The following PRKCE variants were observed in gnomAD, a reference collection of about 807,000 sequenced individuals.
PRKCE encodes protein kinase C epsilon, also known as protein kinase C epsilon type.
PRKCE carries 16 observed loss-of-function variants against 85.4 expected under a neutral mutation model. That is an observed-to-expected ratio of 0.19 (90% CI 0.13 to 0.28). PRKCE has a LOEUF of 0.28. PRKCE is among the 10% of genes least tolerant of loss of function. The pLI is 1.00. For missense variants in PRKCE, 573 were observed against 975.2 expected, an observed-to-expected ratio of 0.59 and a Z score of 5.49; for synonymous variants, 388 against 371.5, an observed-to-expected ratio of 1.04 and a Z score of -0.51.
In PRKCE at chr2:46,145,059, C is replaced by T. The variant is rs753458853; in HGVS notation, c.1593-34C>T. On this transcript the variant is annotated intron_variant, in intron 11 of 14. Transcript: ENST00000306156. The surrounding 1 kb of genome is among the most constrained non-coding windows in gnomAD (Gnocchi z 4.6). ...AGGAAGACTATATTGGGGTGAGTGACGTATTGACATTATGGTCCTGGCCTA... is the reference window on the plus strand; with the variant it reads ...AGGAAGACTATATTGGGGTGAGTGATGTATTGACATTATGGTCCTGGCCTA... 7.5e-6 allele frequency: 12 copies of T among 1,599,102 alleles called. No homozygotes were observed. Among genetic ancestry groups the T allele is most frequent in the South Asian group, 4.4e-5 (4 of 91,068 alleles).
chr2:45,817,645 GA>G (rs1689184076), intron 1 of PRKCE, among the ~76,000 whole-genome samples: 1 of 152,086 alleles, frequency 6.6e-6, no homozygotes, highest in Non-Finnish European at 1.5e-5. Context: ...AGTGAGCCGA[GA>G]TCACGCCACT....
chr2:45,792,923 A>T (rs138730095), intron 1 of PRKCE, among the ~76,000 whole-genome samples: 1 of 152,030 alleles, frequency 6.6e-6, no homozygotes. Flanking sequence ...CTTAGCCTCC[A>T]GAGTAGCTGG....
intron 1 of PRKCE, among the ~76,000 whole-genome samples, chr2:45,807,621 C>T (rs1171277750): frequency 2.0e-5 from 3 of 152,208 alleles, no homozygotes; most frequent in Non-Finnish European, 4.4e-5. Flanking sequence ...CAAGGTCTCC[C>T]AGAGCTCCCA....
intron 14 of PRKCE, among the ~76,000 whole-genome samples, chr2:46,178,728 T>G (rs1400670451): frequency 6.6e-6 from 1 of 152,204 alleles, no homozygotes; most frequent in African/African-American, 2.4e-5. Flanking sequence ...TAGGACGGAC[T>G]TGGGATTTGG....
chr2:45,676,717 T>TG (rs1158959690), intron 1 of PRKCE: 2 of 152,298 alleles, frequency 1.3e-5, no homozygotes, highest in African/African-American at 2.4e-5. Flanking sequence ...GTAAAGGCCA[T>TG]GCAGGCCCAT....
chr2:45,718,270 G>T (rs756515788), intron 1 of PRKCE, among the ~76,000 whole-genome samples: 3 of 151,316 alleles, frequency 2.0e-5, no homozygotes, highest in Non-Finnish European at 4.4e-5. Context: ...CCCCAATTGA[G>T]AATCACTAGG....
At chr2:46,035,778 A>G (rs1347182790) in intron 10 of PRKCE, among the ~76,000 whole-genome samples, 2 of 152,240 alleles carry the variant, frequency 1.3e-5, no homozygotes, top group Non-Finnish European at 2.9e-5. Flanking sequence ...ACAAGTTATA[A>G]CAGATATGCA....
chr2:45,679,075 A>G (rs1233407114), intron 1 of PRKCE, among the ~76,000 whole-genome samples: 2 of 152,194 alleles, frequency 1.3e-5, no homozygotes, highest in Non-Finnish European at 2.9e-5. Flanking sequence ...AAATTTTCCA[A>G]AAGAATAGAA....
chr2:45,859,649 G>T (rs559132164), intron 2 of PRKCE, among the ~76,000 whole-genome samples: 1 of 152,032 alleles, frequency 6.6e-6, no homozygotes, highest in African/African-American at 2.4e-5. Context: ...TGTTGTTTTT[G>T]TCTATTTCTT....
chr2:45,742,151 A>T (rs1202089735), intron 1 of PRKCE, among the ~76,000 whole-genome samples: 1 of 152,222 alleles, frequency 6.6e-6, no homozygotes, highest in Non-Finnish European at 1.5e-5. Flanking sequence ...GAAAACAATC[A>T]ACAAAACGAA....
intron 1 of PRKCE, among the ~76,000 whole-genome samples, chr2:45,755,720 G>A (rs947077806): frequency 3.9e-5 from 6 of 152,184 alleles, no homozygotes; most frequent in African/African-American, 7.2e-5. Flanking sequence ...TCTGTGGCTT[G>A]TATATATTAT....
intron 1 of PRKCE, among the ~76,000 whole-genome samples, chr2:45,663,711 A>G (rs1675781461): frequency 1.3e-5 from 2 of 152,028 alleles, no homozygotes; most frequent in Admixed American, 1.3e-4. Flanking sequence ...TGAACCCAGG[A>G]GGCGGAAGTT....
intron 5 of PRKCE, among the ~76,000 whole-genome samples, chr2:45,982,284 C>T (rs1408873390): frequency 6.6e-6 from 1 of 151,886 alleles, no homozygotes; most frequent in East Asian, 1.9e-4. Flanking sequence ...TTTGTGCAAC[C>T]ACCTTTAATG....
At chr2:46,040,429 G>A (rs1708151817) in intron 10 of PRKCE, among the ~76,000 whole-genome samples, 1 of 152,164 alleles carries the variant, frequency 6.6e-6, no homozygotes, top group Admixed American at 6.5e-5. Flanking sequence ...GTCTACCTTG[G>A]CTTCAGCTTA....
chr2:46,133,035 T>C (rs1471595011), intron 11 of PRKCE, among the ~76,000 whole-genome samples: 2 of 152,196 alleles, frequency 1.3e-5, no homozygotes, highest in Non-Finnish European at 2.9e-5. Context: ...ACCAATCTCC[T>C]AGCACGTGGC....
chr2:46,001,587 G>A lies in PRKCE; in HGVS notation c.966+41G>A. ...GTGGTGTTGCTGGAGCCCTTTTCAG[G>A]CTAGCATTTCTGTGCTGACTTCCAG... On this transcript the variant is annotated intron_variant, in intron 7 of 14. Coordinates refer to ENST00000306156, the MANE Select transcript of PRKCE (RefSeq NM_005400.3). The surrounding 1 kb of genome is among the most constrained non-coding windows in gnomAD (Gnocchi z 4.4). 2 of 1,582,472 alleles carry A rather than the reference G, an allele frequency of 1.3e-6. No individual in the cohort carries two copies. The highest frequency in any genetic ancestry group is 1.7e-6 in the Non-Finnish European group (2 of 1,169,644).
intron 1 of PRKCE, among the ~76,000 whole-genome samples, chr2:45,785,862 C>T (rs1686562407): frequency 6.6e-6 from 1 of 152,172 alleles, no homozygotes; most frequent in African/African-American, 2.4e-5. Flanking sequence ...AAACTCGAAC[C>T]TCTGCCTCAC....
chr2:46,030,961 A>C (rs1707475174), intron 10 of PRKCE, among the ~76,000 whole-genome samples: 1 of 152,138 alleles, frequency 6.6e-6, no homozygotes, highest in Non-Finnish European at 1.5e-5. Context: ...TGTATACATC[A>C]TTTGTTACCT....
At chr2:45,877,663 T>C (rs568871321) in intron 2 of PRKCE, among the ~76,000 whole-genome samples, 2 of 152,342 alleles carry the variant, frequency 1.3e-5, no homozygotes, top group South Asian at 4.1e-4. Context: ...AATTCTTTAA[T>C]ATAAGTGTGG....
Sources: gnomAD v4.1 joint callset for allele counts (sites outside exome capture counted in the v4.1 genomes callset) on GRCh38, gnomAD v4.1.1 for gene constraint, Gnocchi (gnomAD v3.1) non-coding constraint, MANE v1.5 for transcripts, NCBI Gene and HGNC (gene_info 2026-07-23, HGNC 2026-07-21) for gene names.